Variants in CD109 observed in about 807,000 individuals in gnomAD.
CD109 encodes the protein CD109 antigen.
In CD109, 149 loss-of-function variants were observed where a neutral mutation model predicts 165.8. That is an observed-to-expected ratio of 0.90 (90% CI 0.79 to 1.03). The LOEUF is 1.03. Among genes scored for constraint, CD109 ranks in the 50% least tolerant of loss-of-function variants. CD109 has a pLI of 0.00. For synonymous variants in CD109, 585 were observed against 592.1 expected, an observed-to-expected ratio of 0.99 and a Z score of 0.18; for missense variants, 1,712 against 1,677.8, an observed-to-expected ratio of 1.02 and a Z score of -0.36.
At chr6:73,736,716 T>TTATGAAA (rs1582081107) in intron 5 of CD109, among the ~76,000 whole-genome samples, 2 of 152,364 alleles carry the variant, frequency 1.3e-5, no homozygotes, top group East Asian at 3.9e-4. Flanking sequence ...ATAACTGTTG[T>TTATGAAA]CTTTTTCTAT....
chr6:73,798,929 G>A (rs576953356), intron 23 of CD109, among the ~76,000 whole-genome samples: 1 of 152,260 alleles, frequency 6.6e-6, no homozygotes, highest in African/African-American at 2.4e-5. Flanking sequence ...AAACTTTTGT[G>A]TAGGGATTGA....
chr6:73,760,187 C>T (rs1773561001), intron 7 of CD109, among the ~76,000 whole-genome samples: 2 of 151,854 alleles, frequency 1.3e-5, no homozygotes, highest in Non-Finnish European at 2.9e-5. Flanking sequence ...GCGGGCGGGT[C>T]ACAAGGTCAG....
intron 5 of CD109, among the ~76,000 whole-genome samples, chr6:73,739,974 T>G (rs1446192306): frequency 6.6e-6 from 1 of 152,204 alleles, no homozygotes; most frequent in African/African-American, 2.4e-5. Context: ...GCTCAAGTGA[T>G]CCTCCTGCCT....
At position 73,791,136 on chromosome 6, in the gene CD109, C is replaced by CACACACACATATATAT. The variant is rs1478783898; in HGVS notation, c.2702-1489_2702-1488insCACACACATATATATA. Among the ~76,000 whole-genome samples, 6 of 56,334 alleles carry CACACACACATATATAT rather than the reference C, an allele frequency of 1.1e-4. 1 individual carries two copies. The highest frequency in any genetic ancestry group is 4.8e-4 in the African/African-American group (5 of 10,436). 37.0% of individuals were successfully genotyped at this position (56,334 alleles called of 152,430 possible). A position where few individuals can be genotyped will look rare whatever the true frequency, so the allele number is the denominator to read the frequency against. On this transcript the variant is annotated intron_variant, in intron 22 of 32. Transcript: ENST00000287097. ...TTGGAGGCATATATATACATACATA[C>CACACACACATATATAT]ATATATATATATATATATATATATA...
the CD109 span, among the ~76,000 whole-genome samples, chr6:73,689,466 T>C: frequency 1.3e-5 from 2 of 152,224 alleles, no homozygotes; most frequent in African/African-American, 4.8e-5. Context: ...TTGGTCAGCA[T>C]GGGAGAAGCT....
chr6:73,797,573 ATT>A (rs11351391), intron 23 of CD109, among the ~76,000 whole-genome samples: 1 of 151,930 alleles, frequency 6.6e-6, no homozygotes, highest in African/African-American at 2.4e-5. Context: ...AATACAGAGA[ATT>A]TTTTTTATCA....
In CD109 at chr6:73,766,752, A is replaced by G; in HGVS notation, c.1333-7A>G. 6.3e-7 allele frequency: 1 copy of G among 1,591,918 alleles called. No individual in the cohort carries two copies. Among genetic ancestry groups the G allele is most frequent in the Non-Finnish European group, 8.6e-7 (1 of 1,164,258 alleles). ...AACATTTACAGCTCCTTTTTCTTTT[A>G]TTATAGGCCTATTTCCTTGGTAGTA... On this transcript the variant is annotated splice_polypyrimidine_tract_variant and splice_region_variant and intron_variant, in intron 11 of 32. Coordinates refer to ENST00000287097, the MANE Select transcript of CD109 (RefSeq NM_133493.5).
intron 30 of CD109, among the ~76,000 whole-genome samples, chr6:73,815,633 CA>C (rs1271056222): frequency 6.6e-6 from 1 of 152,120 alleles, no homozygotes; most frequent in Non-Finnish European, 1.5e-5. Context: ...AGACACTTAA[CA>C]GCTGAAGCTT....
rs757905572 is a variant in CD109, at chr6:73,780,499, G to C, written c.1902+1G>C. On this transcript the variant is annotated splice_donor_variant, in intron 16 of 32. Coordinates refer to ENST00000287097, the MANE Select transcript of CD109 (RefSeq NM_133493.5). LOFTEE classifies it high-confidence loss of function. ...CATGAATTCTTTTGCAGTCTTTCAG[G>C]TATGTTTTGCTTGCTATATTGAAAA... 5.7e-6 allele frequency: 9 copies of C among 1,592,510 alleles called. No homozygotes were observed. In the African/African-American group the frequency reaches 8.1e-5, roughly 14 times the overall value.
At chr6:73,781,748 T>TAC (rs71845700) in intron 17 of CD109, among the ~76,000 whole-genome samples, 53,586 of 144,966 alleles carry the variant, frequency 0.37, 9,614 homozygotes, top group African/African-American at 0.41. Context: ...AGTATTCTGG[T>TAC]ACACACACAC....
At chr6:73,708,392 CTG>C (rs986142183) in intron 2 of CD109, among the ~76,000 whole-genome samples, 1 of 152,160 alleles carries the variant, frequency 6.6e-6, no homozygotes, top group African/African-American at 2.4e-5. Context: ...TTAATCCAGT[CTG>C]TTGTTGTTGG....
chr6:73,708,647 C>T (rs1044568652), intron 2 of CD109, among the ~76,000 whole-genome samples: 1 of 152,168 alleles, frequency 6.6e-6, no homozygotes, highest in Non-Finnish European at 1.5e-5. Flanking sequence ...TCTCCACATC[C>T]TCTCCAGTAC....
intron 5 of CD109, among the ~76,000 whole-genome samples, chr6:73,753,698 G>A (rs1773280968): frequency 6.6e-6 from 1 of 152,164 alleles, no homozygotes; most frequent in Non-Finnish European, 1.5e-5. Context: ...ATGGCTGGAT[G>A]CATTCACTCC....
chr6:73,807,311 T>C (rs913505889), intron 25 of CD109, among the ~76,000 whole-genome samples: 4 of 152,230 alleles, frequency 2.6e-5, no homozygotes, highest in African/African-American at 9.6e-5. Flanking sequence ...AATGTATGTA[T>C]TGTACTTGCT....
At chr6:73,708,483 G>A (rs1214289099) in intron 2 of CD109, among the ~76,000 whole-genome samples, 1 of 152,196 alleles carries the variant, frequency 6.6e-6, no homozygotes, top group Admixed American at 6.5e-5. Context: ...CTTTATAGCA[G>A]CATGATTTAT....
chr6:73,707,966 A>T (rs1305537175), intron 2 of CD109, among the ~76,000 whole-genome samples: 32 of 1,800 alleles, frequency 0.018, no homozygotes, highest in African/African-American at 0.022. Flanking sequence ...TTATCTTTAT[A>T]TATATATATA....
In CD109 at chr6:73,802,308, T is replaced by A. The variant is rs1408536729; in HGVS notation, c.2879-912T>A. Among the ~76,000 whole-genome samples, 1,261 of 129,666 alleles carry A rather than the reference T, an allele frequency of 9.7e-3. 6 individuals carry two copies. The highest frequency in any genetic ancestry group is 0.022 in the East Asian group (90 of 4,082). 85.1% of individuals were successfully genotyped at this position (129,666 alleles called of 152,430 possible). A position where few individuals can be genotyped will look rare whatever the true frequency, so the allele number is the denominator to read the frequency against. On this transcript the variant is annotated intron_variant, in intron 23 of 32. Coordinates refer to ENST00000287097, the MANE Select transcript of CD109 (RefSeq NM_133493.5). ...GTGTGTGTATATATATATATATATT[T>A]TTTTTTTTTTTTTTTTTTTTAGTGG...
At position 73,696,299 on chromosome 6, in the gene CD109, T is replaced by TGGG. The variant is rs769799204; in HGVS notation, c.74+11_74+13dup. On this transcript the variant is annotated intron_variant, in intron 1 of 32. Transcript: ENST00000287097. ...TGGCCGTGGCTCCCGGGTAGGAACG[T>TGGG]GGGCGCGCGGGGGGCGCGCGGGCGC... 6.7e-6 allele frequency: 10 copies of TGGG among 1,496,356 alleles called. No homozygotes were observed. Among genetic ancestry groups the TGGG allele is most frequent in the East Asian group, 2.7e-5 (1 of 36,784 alleles). 92.7% of individuals were successfully genotyped at this position (1,496,356 alleles called of 1,614,324 possible).
intron 18 of CD109, 31 bp downstream of exon 18, chr6:73,782,786 A>G (rs1447129861): frequency 1.9e-6 from 3 of 1,605,580 alleles, no homozygotes; most frequent in Non-Finnish European, 2.6e-6. Flanking sequence ...TTGCCCATAC[A>G]TATTTTGTTT....
Sources: gnomAD v4.1 joint callset for allele counts (sites outside exome capture counted in the v4.1 genomes callset) on GRCh38, gnomAD v4.1.1 for gene constraint, MANE v1.5 for transcripts, NCBI Gene and HGNC (gene_info 2026-07-23, HGNC 2026-07-21) for gene names.